The following QTGAL variants were observed in gnomAD, a reference collection of about 807,000 sequenced individuals.
The protein encoded by QTGAL is queuosine-tRNA galactosyltransferase.
chr17:82,996,790 T>A, the QTGAL span, among the ~76,000 whole-genome samples: 1 of 152,306 alleles, frequency 6.6e-6, no homozygotes, highest in Non-Finnish European at 1.5e-5. Context: ...GAACTTACAT[T>A]GGGGAAGAGA....
the QTGAL span, chr17:82,943,917 G>A: frequency 3.9e-4 from 60 of 152,358 alleles, no homozygotes; most frequent in African/African-American, 1.4e-3. Context: ...TTGGCCACAT[G>A]AGTCCACACA....
At chr17:82,993,021 C>A in the QTGAL span, among the ~76,000 whole-genome samples, 5 of 152,074 alleles carry the variant, frequency 3.3e-5, no homozygotes, top group Non-Finnish European at 7.4e-5. Flanking sequence ...AGAAAATCAC[C>A]TTCACTAAAA....
chr17:82,999,953 GTTGTTTTTTGTT>G, the QTGAL span, among the ~76,000 whole-genome samples: 1 of 152,018 alleles, frequency 6.6e-6, no homozygotes, highest in Non-Finnish European at 1.5e-5. Flanking sequence ...TTTTTTTGTT[GTTGTTTTTTGTT>G]TTGTTTTGTT....
At chr17:83,037,772 G>A in the QTGAL span, among the ~76,000 whole-genome samples, 1 of 152,236 alleles carries the variant, frequency 6.6e-6, no homozygotes, top group South Asian at 2.1e-4. This position sits in a 1 kb window ranked among gnomAD's most constrained non-coding sequence, Gnocchi z 5.2. Flanking sequence ...GTGAGCCTGG[G>A]TAACGAAGGA....
At chr17:83,050,761 G>C in the QTGAL span, among the ~76,000 whole-genome samples, 6 of 152,202 alleles carry the variant, frequency 3.9e-5, no homozygotes, top group African/African-American at 1.4e-4. Context: ...TAGGGCACGT[G>C]TTTGGGGTAA....
chr17:83,001,950 C>T, the QTGAL span, among the ~76,000 whole-genome samples: 1 of 151,944 alleles, frequency 6.6e-6, no homozygotes, highest in African/African-American at 2.4e-5. Context: ...TTCGTAGAGA[C>T]AGGGTCTCAC....
chr17:82,949,316 G>A, the QTGAL span: 1 of 152,192 alleles, frequency 6.6e-6, no homozygotes, highest in East Asian at 1.9e-4. Flanking sequence ...AACAGCAGAT[G>A]ATTAAAAATG....
chr17:83,004,598 G>A, the QTGAL span, among the ~76,000 whole-genome samples: 351 of 136,388 alleles, frequency 2.6e-3, 2 homozygotes, highest in Non-Finnish European at 4.3e-3. Context: ...TCTGCAGTCC[G>A]CATGTGGGAT....
chr17:82,981,275 G>C, the QTGAL span: 2 of 152,168 alleles, frequency 1.3e-5, no homozygotes, highest in Non-Finnish European at 2.9e-5. Flanking sequence ...TATAACCTTG[G>C]ACTCCCCCAA....
the QTGAL span, among the ~76,000 whole-genome samples, chr17:83,042,273 A>G: frequency 6.6e-6 from 1 of 152,216 alleles, no homozygotes; most frequent in African/African-American, 2.4e-5. Flanking sequence ...AGGCTGAGGC[A>G]CAAGAATCAC....
the QTGAL span, among the ~76,000 whole-genome samples, chr17:82,964,949 C>G: frequency 6.9e-6 from 1 of 144,374 alleles, no homozygotes; most frequent in Non-Finnish European, 1.5e-5. Flanking sequence ...TGCAGGTGCA[C>G]CCCCACAGGA....
the QTGAL span, chr17:82,944,890 A>T: frequency 2.6e-5 from 4 of 152,186 alleles, no homozygotes; most frequent in African/African-American, 9.7e-5. Flanking sequence ...GACCCTAAAT[A>T]AGTCTTTTTC....
chr17:82,946,994 C>T, the QTGAL span: 12 of 1,554,734 alleles, frequency 7.7e-6, no homozygotes, highest in East Asian at 2.7e-4. Context: ...CTGTCAGGAG[C>T]AGCAGATTCA....
chr17:82,989,907 C>T, the QTGAL span, among the ~76,000 whole-genome samples: 5 of 152,190 alleles, frequency 3.3e-5, no homozygotes, highest in African/African-American at 7.2e-5. Flanking sequence ...CGGGCAATTG[C>T]ACAGAAACAG....
At chr17:83,033,327 T>C in the QTGAL span, among the ~76,000 whole-genome samples, 1 of 152,090 alleles carries the variant, frequency 6.6e-6, no homozygotes, top group South Asian at 2.1e-4. Flanking sequence ...GTCAACAACC[T>C]GAAGCTTCTT....
At chr17:82,997,931 ATAT>A in the QTGAL span, among the ~76,000 whole-genome samples, 180 of 79,054 alleles carry the variant, frequency 2.3e-3, no homozygotes, top group African/African-American at 0.01. Context: ...AAAAAAAAAA[ATAT>A]ATATATATAT....
chr17:82,977,866 T>G, the QTGAL span, among the ~76,000 whole-genome samples: 2 of 152,156 alleles, frequency 1.3e-5, no homozygotes, highest in Admixed American at 6.5e-5. Context: ...GCTCTAGTAC[T>G]TCCTGCGGTT....
At chr17:83,046,807 G>C in the QTGAL span, among the ~76,000 whole-genome samples, 2 of 152,134 alleles carry the variant, frequency 1.3e-5, no homozygotes, top group Non-Finnish European at 2.9e-5. Context: ...AGTATCAAAG[G>C]GTAGAACAAC....
At chr17:83,020,987 T>C in the QTGAL span, among the ~76,000 whole-genome samples, 1 of 152,266 alleles carries the variant, frequency 6.6e-6, no homozygotes, top group African/African-American at 2.4e-5. Context: ...TATAGAGTCA[T>C]ACATTGTGTT....
Sources: allele counts gnomAD v4.1 joint callset (sites outside exome capture counted in the v4.1 genomes callset), GRCh38; gene constraint gnomAD v4.1.1; non-coding constraint Gnocchi (gnomAD v3.1); transcripts MANE v1.5; gene names NCBI Gene and HGNC (gene_info 2026-07-23, HGNC 2026-07-21).